SLC16A10: variants seen among roughly 807,000 people sequenced by gnomAD.
SLC16A10 encodes solute carrier family 16 member 10.
In SLC16A10, 27 loss-of-function variants were observed where a neutral mutation model predicts 40.0. That is an observed-to-expected ratio of 0.67 (90% CI 0.50 to 0.93). SLC16A10 has a LOEUF of 0.93. Among genes scored for constraint, SLC16A10 ranks in the 40% least tolerant of loss-of-function variants. The probability of loss-of-function intolerance (pLI) is 0.00; values close to 1 mark genes in which losing one functional copy is unlikely to be tolerated. For synonymous variants in SLC16A10, 213 were observed against 249.8 expected, an observed-to-expected ratio of 0.85 and a Z score of 1.39; for missense variants, 529 against 658.2, an observed-to-expected ratio of 0.80 and a Z score of 2.15.
intron 1 of SLC16A10, among the ~76,000 whole-genome samples, chr6:111,165,436 A>C (rs1772454670): frequency 6.6e-6 from 1 of 152,242 alleles, no homozygotes. Context: ...AACAAGATGC[A>C]AGAAGAGGAA....
chr6:111,150,637 T>C (rs1342422638), intron 1 of SLC16A10, among the ~76,000 whole-genome samples: 2 of 152,214 alleles, frequency 1.3e-5, no homozygotes, highest in African/African-American at 2.4e-5. Context: ...TTGGACCTCC[T>C]AATGACAGGC....
At chr6:111,209,847 C>G (rs960454308) in intron 4 of SLC16A10, among the ~76,000 whole-genome samples, 4 of 152,082 alleles carry the variant, frequency 2.6e-5, no homozygotes, top group South Asian at 4.2e-4. Context: ...ATGGTTTCTA[C>G]AGGTGCAGAA....
intron 1 of SLC16A10, among the ~76,000 whole-genome samples, chr6:111,091,530 T>TCAAAC (rs1293531538): frequency 6.6e-6 from 1 of 152,230 alleles, no homozygotes; most frequent in Non-Finnish European, 1.5e-5. Context: ...TATTAATGTC[T>TCAAAC]CAAACTATAT....
chr6:111,186,088 G>A (rs1772892095), intron 3 of SLC16A10, among the ~76,000 whole-genome samples: 1 of 152,038 alleles, frequency 6.6e-6, no homozygotes, highest in African/African-American at 2.4e-5. Context: ...TTGTAGAGAT[G>A]GGGTTCTCAC....
rs1259935559 is a variant in SLC16A10, at chr6:111,225,166, G to A, written c.*2931G>A. 9 of 152,316 alleles carry A rather than the reference G, an allele frequency of 5.9e-5. No homozygotes were observed. The East Asian group carries it at 1.5e-3, about 26-fold the overall frequency. 9.4% of individuals were successfully genotyped at this position (152,316 alleles called of 1,614,324 possible). A position where few individuals can be genotyped will look rare whatever the true frequency, so the allele number is the denominator to read the frequency against. ...AGATTATTGATACTTTATGCAAGAT[G>A]TGTTCATCTCTTTGATCATATTTAC... On this transcript the variant is annotated 3_prime_UTR_variant, in exon 6 of 6. Coordinates refer to ENST00000368851, the MANE Select transcript of SLC16A10 (RefSeq NM_018593.5).
At chr6:111,163,745 C>G (rs1399991991) in intron 1 of SLC16A10, among the ~76,000 whole-genome samples, 1 of 152,122 alleles carries the variant, frequency 6.6e-6, no homozygotes. Flanking sequence ...AGGTTTAAAA[C>G]ACTTTATATT....
chr6:111,193,183 A>T, intron 3 of SLC16A10: 21 of 371,306 alleles, frequency 5.7e-5, no homozygotes, highest in Non-Finnish European at 7.4e-5. Flanking sequence ...TGATTAAGAC[A>T]CCTTCTCTCC....
intron 1 of SLC16A10, among the ~76,000 whole-genome samples, chr6:111,127,896 T>A (rs1771704664): frequency 6.6e-6 from 1 of 152,160 alleles, no homozygotes; most frequent in South Asian, 2.1e-4. Flanking sequence ...AAAATCCTGT[T>A]GTGCATGGAG....
At chr6:111,107,651 G>A (rs1396017222) in intron 1 of SLC16A10, among the ~76,000 whole-genome samples, 2 of 152,160 alleles carry the variant, frequency 1.3e-5, no homozygotes, top group African/African-American at 4.8e-5. Flanking sequence ...GATTGTAATA[G>A]GAGAGGAAAC....
chr6:111,222,131 A>G lies in SLC16A10; in HGVS notation c.1444A>G (p.Lys482Glu), dbSNP rs1248754004. 6 of 1,608,760 alleles carry G rather than the reference A, an allele frequency of 3.7e-6. 1 individual carries two copies. The highest frequency in any genetic ancestry group is 5.1e-6 in the Non-Finnish European group (6 of 1,178,808). ...IHSKKQREIS[K>E]TTGKEKMEKM... ...TAGTAAGAAGCAAAGAGAGATCAGTAAAACCACTGGAAAAGAAAAGATGGA... is the reference window on the plus strand; with the variant it reads ...TAGTAAGAAGCAAAGAGAGATCAGTGAAACCACTGGAAAAGAAAAGATGGA... Residue 482 changes from lysine (K) to glutamate (E), a missense_variant, in exon 6 of 6, where the codon AAA becomes GAA. Lys to Glu is a moderately conservative substitution (Grantham distance 56, BLOSUM62 1). Coordinates refer to ENST00000368851, the MANE Select transcript of SLC16A10 (RefSeq NM_018593.5).
intron 3 of SLC16A10, among the ~76,000 whole-genome samples, chr6:111,190,458 G>A (rs1448984054): frequency 6.6e-6 from 1 of 152,228 alleles, no homozygotes; most frequent in East Asian, 1.9e-4. Flanking sequence ...ACTAGGCAGT[G>A]CCCCACTGGG....
chr6:111,221,931 T>G, intron 5 of SLC16A10, 72 bp from the exon 6 acceptor site: 1 of 1,402,738 alleles, frequency 7.1e-7, no homozygotes, highest in Non-Finnish European at 9.7e-7. Context: ...TCTGAATCAG[T>G]CCTGTGGCTG....
intron 1 of SLC16A10, among the ~76,000 whole-genome samples, chr6:111,108,381 T>TTTAAAGGGC (rs1473021425): frequency 6.6e-6 from 1 of 152,156 alleles, no homozygotes; most frequent in African/African-American, 2.4e-5. Context: ...TTAAAAAATA[T>TTTAAAGGGC]TTAAAGGGCA....
intron 1 of SLC16A10, among the ~76,000 whole-genome samples, chr6:111,127,365 A>G (rs962430702): frequency 6.6e-6 from 1 of 152,178 alleles, no homozygotes; most frequent in Admixed American, 6.5e-5. Flanking sequence ...CCAGGAGGAA[A>G]CAGAAGCACA....
In SLC16A10 at chr6:111,222,491, ATC is replaced by A; in HGVS notation, c.*259_*260del. 1 of 369,952 alleles carries A rather than the reference ATC, an allele frequency of 2.7e-6. No individual in the cohort carries two copies. Among genetic ancestry groups the A allele is most frequent in the South Asian group, 3.4e-5 (1 of 29,386 alleles). 22.9% of individuals were successfully genotyped at this position (369,952 alleles called of 1,614,324 possible). A position where few individuals can be genotyped will look rare whatever the true frequency, so the allele number is the denominator to read the frequency against. On this transcript the variant is annotated 3_prime_UTR_variant, in exon 6 of 6. Transcript: ENST00000368851. Reference sequence around the variant, plus strand: ...TCACATATTGTGAAAATTTGAAGCTATCTCAGTAAAAAGCAGCTTTGGAAACT... The same window carrying A: ...TCACATATTGTGAAAATTTGAAGCTATCAGTAAAAAGCAGCTTTGGAAACT...
In SLC16A10 at chr6:111,132,155, CAGG is replaced by C. The variant is rs976331940; in HGVS notation, c.344-40539_344-40537del. Among the ~76,000 whole-genome samples the C allele has an allele frequency of 1.1e-4, 16 of 151,824 alleles. 1 individual carries two copies. The highest frequency in any genetic ancestry group is 1.1e-3 in the Admixed American group (16 of 15,238). ...AGGACCTGTTCCCCACCATCCTTGC[CAGG>C]GTCCCAGGTTTGTAAAGGGCTAGGA... On this transcript the variant is annotated intron_variant, in intron 1 of 5. Coordinates refer to ENST00000368851, the MANE Select transcript of SLC16A10 (RefSeq NM_018593.5).
chr6:111,087,587 T>G lies in SLC16A10; in HGVS notation c.-166T>G, dbSNP rs1462553979. ...CGCGCCAGCTGTCCTCGCGGCCGCCTGCGCGCTGGCCGCCTGCGCGCTGCC... is the reference window on the plus strand; with the variant it reads ...CGCGCCAGCTGTCCTCGCGGCCGCCGGCGCGCTGGCCGCCTGCGCGCTGCC... On this transcript the variant is annotated 5_prime_UTR_variant, in exon 1 of 6. Transcript: ENST00000368851. 7.3e-6 allele frequency: 2 copies of G among 275,060 alleles called. No individual in the cohort carries two copies. The highest frequency in any genetic ancestry group is 1.1e-4 in the Admixed American group (2 of 18,488). The allele number at this position is 275,060 out of a possible 1,614,324, so 17.0% of individuals were successfully genotyped here.
chr6:111,135,099 C>T (rs1771853975), intron 1 of SLC16A10, among the ~76,000 whole-genome samples: 1 of 152,170 alleles, frequency 6.6e-6, no homozygotes, highest in Non-Finnish European at 1.5e-5. Context: ...GCCCCACTCC[C>T]TTGTTAGGGA....
At chr6:111,158,193 A>G (rs2114523746) in intron 1 of SLC16A10, among the ~76,000 whole-genome samples, 1 of 152,298 alleles carries the variant, frequency 6.6e-6, no homozygotes, top group East Asian at 1.9e-4. Flanking sequence ...TGAACTTTAT[A>G]ATGAAAAGAG....
Sources: gnomAD v4.1 joint callset for allele counts (sites outside exome capture counted in the v4.1 genomes callset) on GRCh38, gnomAD v4.1.1 for gene constraint, MANE v1.5 for transcripts, NCBI Gene and HGNC (gene_info 2026-07-23, HGNC 2026-07-21) for gene names.